LAMTOR3: variants seen among roughly 807,000 people sequenced by gnomAD.
LAMTOR3 encodes late endosomal/lysosomal adaptor, MAPK and MTOR activator 3.
In LAMTOR3, 14 loss-of-function variants were observed where a neutral mutation model predicts 20.3. The observed-to-expected ratio is 0.69, with a 90% CI of 0.46 to 1.08. The LOEUF (loss-of-function observed/expected upper bound fraction) is 1.08. Among genes scored for constraint, LAMTOR3 ranks in the 50% least tolerant of loss-of-function variants. The pLI is 0.00. For synonymous variants in LAMTOR3, 40 were observed against 49.4 expected, an observed-to-expected ratio of 0.81 and a Z score of 0.80; for missense variants, 125 against 143.7, an observed-to-expected ratio of 0.87 and a Z score of 0.67.
At chr4:99,883,407 T>C (rs538383091) in intron 6 of LAMTOR3, among the ~76,000 whole-genome samples, 2 of 152,034 alleles carry the variant, frequency 1.3e-5, no homozygotes, top group Non-Finnish European at 2.9e-5. Context: ...TCCTACTTTA[T>C]ATAAAATGAA....
At chr4:99,892,680 A>ATTTTTT (rs368209166) in intron 2 of LAMTOR3, among the ~76,000 whole-genome samples, 2 of 143,488 alleles carry the variant, frequency 1.4e-5, no homozygotes, top group South Asian at 2.2e-4. Context: ...GTGAGGCAAC[A>ATTTTTT]TTTTTTTTTT....
intron 2 of LAMTOR3, 24 bp downstream of exon 2, chr4:99,893,931 C>G (rs775874644): frequency 7.4e-6 from 11 of 1,483,260 alleles, no homozygotes; most frequent in Non-Finnish European, 1.0e-5. Flanking sequence ...TCTCCCCTTC[C>G]TCTTATGTAG....
At chr4:99,884,225 T>A in intron 5 of LAMTOR3, 100 bp from the exon 6 acceptor site, 1 of 847,004 alleles carries the variant, frequency 1.2e-6, no homozygotes, top group Non-Finnish European at 2.0e-6. Flanking sequence ...AAATCATCAA[T>A]GTTTTAGCCC....
In LAMTOR3 at chr4:99,878,597, A is replaced by G. The variant is rs963580781; in HGVS notation, c.*3397T>C. The G allele has an allele frequency of 1.3e-5, 2 of 152,192 alleles. No homozygotes were observed. Among genetic ancestry groups the G allele is most frequent in the Non-Finnish European group, 2.9e-5 (2 of 68,038 alleles). The allele number at this position is 152,192 out of a possible 1,614,324, so 9.4% of individuals were successfully genotyped here. On this transcript the variant is annotated 3_prime_UTR_variant, in exon 7 of 7. Coordinates refer to ENST00000499666, the MANE Select transcript of LAMTOR3 (RefSeq NM_021970.4). ...CTACCATATACAAACAAATAGGAAT[A>G]CATACACATTTTTTCTTCTTATACA... is the stretch of plus-strand genomic sequence containing the variant.
intron 2 of LAMTOR3, among the ~76,000 whole-genome samples, chr4:99,892,457 A>T (rs946571458): frequency 6.6e-6 from 1 of 152,146 alleles, no homozygotes; most frequent in Non-Finnish European, 1.5e-5. Context: ...TAGACTTTCC[A>T]CCATCATCTT....
chr4:99,888,599 G>A lies in LAMTOR3; in HGVS notation c.45-1245C>T, dbSNP rs528191768. On this transcript the variant is annotated intron_variant, in intron 3 of 6. Transcript: ENST00000499666. ...ATGTTCAATGTCCCTACAGCAACCCGGAATGATCTATTCTTTGTGTTAACT... is the reference window on the plus strand; with the variant it reads ...ATGTTCAATGTCCCTACAGCAACCCAGAATGATCTATTCTTTGTGTTAACT... Among the ~76,000 whole-genome samples, 249 of 152,138 alleles carry A rather than the reference G, an allele frequency of 1.6e-3. 1 individual carries two copies. Among genetic ancestry groups the A allele is most frequent in the African/African-American group, 5.6e-3 (233 of 41,526 alleles).
chr4:99,891,550 T>C (rs938196662), intron 3 of LAMTOR3, among the ~76,000 whole-genome samples: 13 of 152,140 alleles, frequency 8.5e-5, no homozygotes, highest in Non-Finnish European at 1.5e-4. Context: ...ATGCAGCTCA[T>C]GCAGAGATAG....
chr4:99,888,781 CTTACA>C (rs1370740774), intron 3 of LAMTOR3, among the ~76,000 whole-genome samples: 1 of 152,022 alleles, frequency 6.6e-6, no homozygotes, highest in East Asian at 1.9e-4. Context: ...ATTTGTCTTC[CTTACA>C]TTAAAAATAA....
At chr4:99,891,709 T>C (rs556353198) in intron 3 of LAMTOR3, among the ~76,000 whole-genome samples, 1 of 152,042 alleles carries the variant, frequency 6.6e-6, no homozygotes, top group Non-Finnish European at 1.5e-5. Flanking sequence ...CAAATAGAAA[T>C]GCTGAATTTC....
At chr4:99,888,330 C>G (rs1724965000) in intron 3 of LAMTOR3, among the ~76,000 whole-genome samples, 1 of 152,098 alleles carries the variant, frequency 6.6e-6, no homozygotes, top group African/African-American at 2.4e-5. Context: ...TTAACTAATA[C>G]CAGTGGTGTC....
At chr4:99,888,111 G>A (rs1724961830) in intron 3 of LAMTOR3, among the ~76,000 whole-genome samples, 1 of 152,232 alleles carries the variant, frequency 6.6e-6, no homozygotes, top group East Asian at 1.9e-4. Context: ...GAACGGTCAA[G>A]CTATAGCTCT....
At chr4:99,890,471 C>T (rs1725002455) in intron 3 of LAMTOR3, among the ~76,000 whole-genome samples, 1 of 152,196 alleles carries the variant, frequency 6.6e-6, no homozygotes, top group Non-Finnish European at 1.5e-5. Context: ...ATGCCTGCAT[C>T]CAAACCCATA....
chr4:99,887,219 G>T, intron 4 of LAMTOR3, 77 bp downstream of exon 4: 2 of 886,680 alleles, frequency 2.3e-6, no homozygotes, highest in Non-Finnish European at 3.5e-6. Context: ...TTTGCCTGCT[G>T]TACTACTCAG....
intron 6 of LAMTOR3, among the ~76,000 whole-genome samples, chr4:99,883,338 A>T (rs1666757177): frequency 6.6e-6 from 1 of 152,056 alleles, no homozygotes; most frequent in East Asian, 1.9e-4. Flanking sequence ...AATAGAAAAA[A>T]ATATATTACA....
chr4:99,892,191 C>T (rs181698611), intron 2 of LAMTOR3, among the ~76,000 whole-genome samples, 157 bp from the exon 3 acceptor site: 2 of 152,132 alleles, frequency 1.3e-5, no homozygotes, highest in Non-Finnish European at 2.9e-5. Context: ...TTACTAGTCA[C>T]GCAACTTGGA....
chr4:99,893,865 TTC>T (rs1725070451), intron 2 of LAMTOR3, 88 bp downstream of exon 2: 3 of 1,077,448 alleles, frequency 2.8e-6, no homozygotes. Flanking sequence ...CAAAACAAAT[TTC>T]TGTTTGGGAA....
At chr4:99,892,308 G>A (rs1332122585) in intron 2 of LAMTOR3, among the ~76,000 whole-genome samples, 1 of 152,224 alleles carries the variant, frequency 6.6e-6, no homozygotes, top group Non-Finnish European at 1.5e-5. Context: ...TTGAGAAGAT[G>A]CATGGATTAG....
chr4:99,882,153 T>C (rs566848113), intron 6 of LAMTOR3, 86 bp from the exon 7 acceptor site: 8 of 764,462 alleles, frequency 1.0e-5, no homozygotes, highest in Non-Finnish European at 1.3e-5. Context: ...CCAAAATACA[T>C]AGTTACCAAA....
chr4:99,883,987 T>C (rs2110179675), intron 6 of LAMTOR3, 75 bp downstream of exon 6: 3 of 1,073,488 alleles, frequency 2.8e-6, no homozygotes, highest in African/African-American at 3.3e-5. Context: ...CTATTCCTCT[T>C]AAATTAAGGT....
Sources: allele counts gnomAD v4.1 joint callset (sites outside exome capture counted in the v4.1 genomes callset), GRCh38; gene constraint gnomAD v4.1.1; transcripts MANE v1.5; gene names NCBI Gene and HGNC (gene_info 2026-07-23, HGNC 2026-07-21).